SDCCAG8: variants seen among roughly 807,000 people sequenced by gnomAD.
SDCCAG8 encodes the protein SHH signaling and ciliogenesis regulator SDCCAG8, also known as serologically defined colon cancer antigen 8.
In SDCCAG8, 74 loss-of-function variants were observed where a neutral mutation model predicts 101.8. That is an observed-to-expected ratio of 0.73 (90% CI 0.60 to 0.88). SDCCAG8 has a LOEUF of 0.88. Among genes scored for constraint, SDCCAG8 ranks in the 40% least tolerant of loss-of-function variants. The pLI is 0.00. For synonymous variants in SDCCAG8, 281 were observed against 292.9 expected (o/e 0.96, Z 0.41); for missense variants, 787 against 822.6 (o/e 0.96, Z 0.53).
chr1:243,391,419 G>A (rs1338095422), intron 13 of SDCCAG8, among the ~76,000 whole-genome samples: 3 of 152,206 alleles, frequency 2.0e-5, no homozygotes, highest in Non-Finnish European at 4.4e-5. Flanking sequence ...AGTCTCGGGA[G>A]ATGAGAGTAG....
intron 16 of SDCCAG8, among the ~76,000 whole-genome samples, chr1:243,455,780 T>C (rs2083696643): frequency 6.6e-6 from 1 of 152,262 alleles, no homozygotes; most frequent in Non-Finnish European, 1.5e-5. Flanking sequence ...CTTAGCAACA[T>C]AATTCATTAT....
intron 9 of SDCCAG8, among the ~76,000 whole-genome samples, chr1:243,324,130 C>T (rs2073967074): frequency 6.6e-6 from 1 of 152,142 alleles, no homozygotes; most frequent in Non-Finnish European, 1.5e-5. Context: ...TGTTTTGCTG[C>T]TACTAGATCT....
At chr1:243,345,091 T>G (rs2075623285) in intron 12 of SDCCAG8, among the ~76,000 whole-genome samples, 2 of 152,212 alleles carry the variant, frequency 1.3e-5, no homozygotes, top group South Asian at 4.1e-4. Context: ...GTTCTTAGTG[T>G]CAATATTTTA....
At position 243,270,144 on chromosome 1, in the gene SDCCAG8, T is replaced by C. The variant is rs2067970780; in HGVS notation, c.107T>C (p.Leu36Pro). ...SRSIHQLTCA[L>P]KEGDVTIGED... ...AGCATTCACCAACTGACATGTGCCC[T>C]GAAAGAAGGCGATGTCACTATTGGA... The change falls in exon 2 of 18, where the codon CTG becomes CCG. Residue 36 changes from leucine (L) to proline (P), a missense_variant. Physicochemically the swap from Leu to Pro is moderately conservative, Grantham distance 98. Transcript: ENST00000366541. 6.2e-7 allele frequency: 1 copy of C among 1,614,084 alleles called. No individual in the cohort carries two copies. Among genetic ancestry groups the C allele is most frequent in the Admixed American group, 1.7e-5 (1 of 59,998 alleles).
At chr1:243,467,072 GT>G (rs151172288) in intron 16 of SDCCAG8, among the ~76,000 whole-genome samples, 23 of 152,322 alleles carry the variant, frequency 1.5e-4, no homozygotes, top group Admixed American at 2.6e-4. Flanking sequence ...GGGGCACCTT[GT>G]GCCCAAACAG....
At chr1:243,417,817 A>G in intron 14 of SDCCAG8, 151 bp from the exon 15 acceptor site, 1 of 632,880 alleles carries the variant, frequency 1.6e-6, no homozygotes, top group Non-Finnish European at 2.9e-6. Flanking sequence ...TTTCCAGATG[A>G]TAAGTCCTTT....
intron 10 of SDCCAG8, among the ~76,000 whole-genome samples, chr1:243,337,554 T>G (rs991869625): frequency 6.6e-6 from 1 of 152,222 alleles, no homozygotes; most frequent in African/African-American, 2.4e-5. Flanking sequence ...GAATCCAGCT[T>G]GACCTTTCTG....
chr1:243,365,650 T>C (rs1228143908), intron 12 of SDCCAG8, among the ~76,000 whole-genome samples: 1 of 152,128 alleles, frequency 6.6e-6, no homozygotes, highest in Non-Finnish European at 1.5e-5. Context: ...TAAGAATAAA[T>C]GGGCCAATTT....
chr1:243,347,221 TA>T (rs1477093181), intron 12 of SDCCAG8, among the ~76,000 whole-genome samples: 1 of 152,226 alleles, frequency 6.6e-6, no homozygotes, highest in Non-Finnish European at 1.5e-5. Context: ...AGAAGTATTT[TA>T]AATGGATCTC....
Position 243,430,406 on chromosome 1 carries a change from C to G in SDCCAG8, c.1985+3848C>G, listed in dbSNP as rs1436135157. On this transcript the variant is annotated intron_variant, in intron 16 of 17. Transcript: ENST00000366541. ...GTTGGAGAGGTAGGAAAGGGCTGGACCTAAAGGCAGGGTCTTTATGTTTTT... is the reference window on the plus strand; with the variant it reads ...GTTGGAGAGGTAGGAAAGGGCTGGAGCTAAAGGCAGGGTCTTTATGTTTTT... Among the ~76,000 whole-genome samples the G allele has an allele frequency of 2.0e-5, 3 of 152,070 alleles. No individual in the cohort carries two copies. The East Asian group carries it at 5.8e-4, about 29-fold the overall frequency.
At chr1:243,462,299 G>C (rs535622787) in intron 16 of SDCCAG8, among the ~76,000 whole-genome samples, 3 of 152,168 alleles carry the variant, frequency 2.0e-5, no homozygotes, top group Non-Finnish European at 4.4e-5. Context: ...CAGTGTTCTC[G>C]TTCCTATCAT....
At chr1:243,428,569 A>G (rs1406385024) in intron 16 of SDCCAG8, among the ~76,000 whole-genome samples, 2 of 152,252 alleles carry the variant, frequency 1.3e-5, no homozygotes, top group African/African-American at 4.8e-5. Context: ...CATGTAGCCT[A>G]GAAATAATGA....
intron 4 of SDCCAG8, among the ~76,000 whole-genome samples, chr1:243,285,951 C>G (rs1316785899): frequency 6.6e-6 from 1 of 152,136 alleles, no homozygotes; most frequent in Non-Finnish European, 1.5e-5. Flanking sequence ...TTTTCAGAAT[C>G]TACTCCATTC....
At chr1:243,385,496 A>G (rs189854224) in intron 13 of SDCCAG8, among the ~76,000 whole-genome samples, 1 of 152,336 alleles carries the variant, frequency 6.6e-6, no homozygotes, top group East Asian at 1.9e-4. Flanking sequence ...GGGGAGAGAC[A>G]GATTACTTCT....
chr1:243,382,660 T>C (rs904074578), intron 13 of SDCCAG8, among the ~76,000 whole-genome samples: 3 of 152,154 alleles, frequency 2.0e-5, no homozygotes, highest in African/African-American at 7.2e-5. Flanking sequence ...TAATGACAGA[T>C]TCAAATATGT....
intron 13 of SDCCAG8, among the ~76,000 whole-genome samples, chr1:243,407,265 C>T (rs758775878): frequency 3.3e-5 from 5 of 152,198 alleles, no homozygotes; most frequent in Admixed American, 6.6e-5. Context: ...AGTGAGAAGA[C>T]AGATTTGGAT....
chr1:243,455,419 G>T (rs1450884246), intron 16 of SDCCAG8, among the ~76,000 whole-genome samples: 5 of 152,078 alleles, frequency 3.3e-5, no homozygotes, highest in Non-Finnish European at 7.4e-5. Flanking sequence ...ACAGGTGTCG[G>T]CTACCATGCC....
chr1:243,380,714 A>G (rs1272457843), intron 13 of SDCCAG8, among the ~76,000 whole-genome samples: 1 of 152,092 alleles, frequency 6.6e-6, no homozygotes, highest in African/African-American at 2.4e-5. Flanking sequence ...ATTTAAACCA[A>G]TTCTACTAAA....
At chr1:243,274,286 A>G (rs1412303421) in intron 3 of SDCCAG8, among the ~76,000 whole-genome samples, 1 of 152,216 alleles carries the variant, frequency 6.6e-6, no homozygotes, top group Non-Finnish European at 1.5e-5. Flanking sequence ...TTCATTCATC[A>G]TGACCGAAAC....
Sources: allele counts gnomAD v4.1 joint callset (sites outside exome capture counted in the v4.1 genomes callset), GRCh38; gene constraint gnomAD v4.1.1; transcripts MANE v1.5; gene names NCBI Gene and HGNC (gene_info 2026-07-23, HGNC 2026-07-21).